Variants in CHST8 observed in about 807,000 individuals in gnomAD.
CHST8 encodes GALNAC-4-ST1.
Under a neutral mutation model 15.0 loss-of-function variants are expected in CHST8, and 10 were observed. That is an observed-to-expected ratio of 0.67 (90% confidence interval 0.41 to 1.13). The LOEUF (loss-of-function observed/expected upper bound fraction) is 1.13. CHST8 is among the 50% of genes most tolerant of loss of function. The pLI is 0.00. For missense variants in CHST8, 634 were observed against 608.2 expected (o/e 1.04, Z -0.45); for synonymous variants, 259 against 256.6 (o/e 1.01, Z -0.09).
Position 33,710,701 on chromosome 19 carries a change from A to G in CHST8, c.130+21310A>G, listed in dbSNP as rs1418249297. 2.0e-5 allele frequency among the ~76,000 whole-genome samples: 3 copies of G among 152,206 alleles called. No individual in the cohort carries two copies. In the East Asian group the frequency reaches 5.8e-4, roughly 29 times the overall value. ...AACACTCTTGGGCATGGAATTTTCC[A>G]ATCAATCAATGTTCATGCCTGATTC... On this transcript the variant is annotated intron_variant, in intron 3 of 4. Transcript: ENST00000650847.
chr19:33,662,966 G>A (rs558674636), intron 1 of CHST8, among the ~76,000 whole-genome samples: 26 of 152,286 alleles, frequency 1.7e-4, no homozygotes, highest in African/African-American at 6.3e-4. Context: ...TTTGCATGGG[G>A]CGTGTAGAGT....
At chr19:33,732,762 G>A (rs537212988) in intron 3 of CHST8, among the ~76,000 whole-genome samples, 16 of 152,168 alleles carry the variant, frequency 1.1e-4, no homozygotes, top group South Asian at 1.0e-3. Flanking sequence ...CCAGACCCTC[G>A]GAAAGGCAGT....
chr19:33,736,571 T>G (rs923579258), intron 3 of CHST8, among the ~76,000 whole-genome samples: 3 of 151,812 alleles, frequency 2.0e-5, no homozygotes, highest in Admixed American at 2.0e-4. Flanking sequence ...CCAACGGGGG[T>G]GACTACTTAT....
chr19:33,659,168 C>T (rs1193339664), intron 1 of CHST8, among the ~76,000 whole-genome samples: 2 of 146,312 alleles, frequency 1.4e-5, no homozygotes, highest in Admixed American at 7.3e-5. Flanking sequence ...CGGGTTCAAG[C>T]GATTCTCCTG....
intron 1 of CHST8, among the ~76,000 whole-genome samples, chr19:33,650,518 CTTTTTTTT>C (rs869057036): frequency 4.2e-4 from 15 of 36,068 alleles, no homozygotes; most frequent in African/African-American, 7.8e-4. Flanking sequence ...TTTTTCTTTT[CTTTTTTTT>C]TTTTTTTTTT....
chr19:33,643,189 G>A (rs976087283), intron 1 of CHST8, among the ~76,000 whole-genome samples: 2 of 152,180 alleles, frequency 1.3e-5, no homozygotes, highest in African/African-American at 4.8e-5. Context: ...AGACCAAGCG[G>A]TGCGTGAGCG....
chr19:33,639,605 G>A (rs1386660709), intron 1 of CHST8, among the ~76,000 whole-genome samples: 2 of 152,174 alleles, frequency 1.3e-5, no homozygotes, highest in African/African-American at 4.8e-5. Context: ...GTTAGGATTT[G>A]TAAGTTTTGG....
At chr19:33,745,140 C>T (rs1214643796) in intron 3 of CHST8, among the ~76,000 whole-genome samples, 1 of 152,184 alleles carries the variant, frequency 6.6e-6, no homozygotes, top group Admixed American at 6.5e-5. Flanking sequence ...GCCCTGGACT[C>T]CCAAAGTGTT....
At chr19:33,760,384 CAT>C (rs1974698786) in intron 3 of CHST8, among the ~76,000 whole-genome samples, 1 of 151,050 alleles carries the variant, frequency 6.6e-6, no homozygotes, top group South Asian at 2.1e-4. Context: ...GTGGTGCAAT[CAT>C]AGCTCACTGC....
intron 3 of CHST8, among the ~76,000 whole-genome samples, chr19:33,758,455 C>T (rs78712324): frequency 0.06 from 9,074 of 152,296 alleles, 867 homozygotes; most frequent in African/African-American, 0.2. Context: ...CAGGCCAGAG[C>T]GGCCTGCAGT....
intron 4 of CHST8, 21 bp from the exon 5 acceptor site, chr19:33,771,936 C>A: frequency 1.3e-6 from 2 of 1,535,666 alleles, no homozygotes; most frequent in South Asian, 1.3e-5. Flanking sequence ...ACTCAGATAA[C>A]CACTTCTCTT....
chr19:33,721,811 T>C (rs1973796742), intron 3 of CHST8, among the ~76,000 whole-genome samples: 1 of 149,300 alleles, frequency 6.7e-6, no homozygotes, highest in African/African-American at 2.5e-5. Context: ...TGTGGGCAGA[T>C]AGGTGATGGA....
At chr19:33,636,445 C>T (rs1380562520) in intron 1 of CHST8, among the ~76,000 whole-genome samples, 1 of 152,158 alleles carries the variant, frequency 6.6e-6, no homozygotes, top group Non-Finnish European at 1.5e-5. Context: ...ACTACGGGTC[C>T]TGGTATGTGC....
chr19:33,633,706 T>C (rs1352203892), intron 1 of CHST8, among the ~76,000 whole-genome samples: 1 of 151,378 alleles, frequency 6.6e-6, no homozygotes, highest in African/African-American at 2.4e-5. Context: ...TTCCTGCACA[T>C]TCCTGATGTA....
chr19:33,740,720 G>T (rs142361884), intron 3 of CHST8, among the ~76,000 whole-genome samples: 62 of 152,322 alleles, frequency 4.1e-4, no homozygotes, highest in Non-Finnish European at 8.1e-4. Context: ...CCTCTCTAGA[G>T]ATTAGTTATT....
intron 3 of CHST8, among the ~76,000 whole-genome samples, chr19:33,750,186 G>A (rs986015086): frequency 6.6e-6 from 1 of 152,196 alleles, no homozygotes; most frequent in Non-Finnish European, 1.5e-5. Context: ...GGTCACAGGG[G>A]TCATCAAGTG....
chr19:33,654,657 T>C (rs1972487608), intron 1 of CHST8, among the ~76,000 whole-genome samples: 1 of 152,096 alleles, frequency 6.6e-6, no homozygotes, highest in South Asian at 2.1e-4. Context: ...CTTTTCATTC[T>C]GGGAGGCTTC....
In CHST8 at chr19:33,689,405, C is replaced by A. The variant is rs748385975; in HGVS notation, c.130+14C>A. On this transcript the variant is annotated intron_variant, in intron 3 of 4. Transcript: ENST00000650847. ...AGCAGGTGCCAGGTGAGTCCTTGCGCTGAGTCCTGCCATCACTGCCCCCAG... is the reference window on the plus strand; with the variant it reads ...AGCAGGTGCCAGGTGAGTCCTTGCGATGAGTCCTGCCATCACTGCCCCCAG... 4 of 1,571,330 alleles carry A rather than the reference C, an allele frequency of 2.5e-6. No homozygotes were observed. The South Asian group carries it at 4.7e-5, about 18-fold the overall frequency.
intron 3 of CHST8, among the ~76,000 whole-genome samples, chr19:33,741,389 A>T (rs1974190055): frequency 1.3e-5 from 2 of 152,218 alleles, no homozygotes; most frequent in African/African-American, 4.8e-5. Context: ...TTTGGAGAAA[A>T]ATATAAGTGT....
Sources: gnomAD v4.1 joint callset for allele counts (sites outside exome capture counted in the v4.1 genomes callset) on GRCh38, gnomAD v4.1.1 for gene constraint, MANE v1.5 for transcripts, NCBI Gene and HGNC (gene_info 2026-07-23, HGNC 2026-07-21) for gene names.